Variants in FAM32A observed in about 807,000 individuals in gnomAD.
FAM32A encodes family with sequence similarity 32 member A, also known as protein FAM32A.
FAM32A carries 9 observed loss-of-function variants against 15.8 expected under a neutral mutation model. The observed-to-expected ratio is 0.57, with a 90% confidence interval of 0.34 to 1.00. FAM32A has a LOEUF of 1.00. Ranked by LOEUF, FAM32A falls within the 50% of genes least tolerant of loss-of-function variation. The probability of loss-of-function intolerance (pLI) is 0.02; values close to 1 mark genes in which losing one functional copy is unlikely to be tolerated. For missense variants in FAM32A, 113 were observed against 138.3 expected (o/e 0.82, Z 0.92); for synonymous variants, 64 against 54.9 (o/e 1.16, Z -0.73).
chr19:16,186,317 T>C (rs1365026985), intron 2 of FAM32A: 1 of 152,562 alleles, frequency 6.6e-6, no homozygotes, highest in Non-Finnish European at 1.5e-5. Flanking sequence ...TTTAAAAAAT[T>C]AGTTATTTTT....
intron 2 of FAM32A, among the ~76,000 whole-genome samples, chr19:16,189,668 C>CTTTTTTTTTTTTTTTTTTTTTTTTTT (rs71178652): frequency 1.2e-4 from 7 of 58,584 alleles, no homozygotes; most frequent in South Asian, 9.4e-4. Flanking sequence ...CACTCCAACT[C>CTTTTTTTTTTTTTTTTTTTTTTTTTT]TTTTTTTTTT....
At chr19:16,187,274 C>T (rs575189214) in intron 2 of FAM32A, 14 of 152,150 alleles carry the variant, frequency 9.2e-5, no homozygotes, top group African/African-American at 2.9e-4. Context: ...GCCTGGCCAA[C>T]ATGGTGAAAC....
rs1181658662 is a variant in FAM32A, at chr19:16,185,429, C to T, written c.-14C>T. The T allele has an allele frequency of 1.9e-6, 3 of 1,551,634 alleles. No homozygotes were observed. The highest frequency in any genetic ancestry group is 4.9e-5 in the East Asian group (2 of 41,214). On this transcript the variant is annotated 5_prime_UTR_variant, in exon 1 of 4. Coordinates refer to ENST00000263384, the MANE Select transcript of FAM32A (RefSeq NM_014077.4). ...AAGTGTGGCACTCCAGCTACCGAAGCACTGGAGAGTGTCATGGAGGCCTAC... is the reference window on the plus strand; with the variant it reads ...AAGTGTGGCACTCCAGCTACCGAAGTACTGGAGAGTGTCATGGAGGCCTAC...
chr19:16,185,854 C>A, intron 2 of FAM32A, 89 bp downstream of exon 2: 1 of 1,426,422 alleles, frequency 7.0e-7, no homozygotes, highest in Non-Finnish European at 9.4e-7. Context: ...GCTCCGAGGG[C>A]AGGGGAGCGG....
intron 2 of FAM32A, 25 bp from the exon 3 acceptor site, chr19:16,190,495 A>T: frequency 6.3e-7 from 1 of 1,578,892 alleles, no homozygotes; most frequent in Non-Finnish European, 8.7e-7. Context: ...CTGTAAACTC[A>T]CCTCCATGTC....
chr19:16,185,424 C>G lies in FAM32A; in HGVS notation c.-19C>G, dbSNP rs1239279970. Reference sequence around the variant, plus strand: ...ACAGGAAGTGTGGCACTCCAGCTACCGAAGCACTGGAGAGTGTCATGGAGG... The same window carrying G: ...ACAGGAAGTGTGGCACTCCAGCTACGGAAGCACTGGAGAGTGTCATGGAGG... On this transcript the variant is annotated 5_prime_UTR_variant, in exon 1 of 4. Coordinates refer to ENST00000263384, the MANE Select transcript of FAM32A (RefSeq NM_014077.4). 2 of 1,549,642 alleles carry G rather than the reference C, an allele frequency of 1.3e-6. No individual in the cohort carries two copies. The highest frequency in any genetic ancestry group is 8.7e-7 in the Non-Finnish European group (1 of 1,144,516).
rs1427877677 is a variant in FAM32A, at chr19:16,185,893, G to A, written c.216+128G>A. 1.9e-5 allele frequency: 21 copies of A among 1,077,370 alleles called. No individual in the cohort carries two copies. The East Asian group carries it at 5.2e-4, about 27-fold the overall frequency. 66.7% of individuals were successfully genotyped at this position (1,077,370 alleles called of 1,614,324 possible). On this transcript the variant is annotated intron_variant, in intron 2 of 3. Transcript: ENST00000263384. ...GAGGAGACCTTAATTACGGGGAGAG[G>A]ATGCTGTACGTGAGTGAGAGAAGAG...
Position 16,191,033 on chromosome 19 carries a change from A to G in FAM32A, c.*78A>G. On this transcript the variant is annotated 3_prime_UTR_variant, in exon 4 of 4. Coordinates refer to ENST00000263384, the MANE Select transcript of FAM32A (RefSeq NM_014077.4). ...GGGTTGTGTGTGTTTCCTTTGGTAT[A>G]TTCTGGAAACATGGCTACACACACC... The G allele has an allele frequency of 8.7e-7, 1 of 1,143,956 alleles. No individual in the cohort carries two copies. The highest frequency in any genetic ancestry group is 1.3e-6 in the Non-Finnish European group (1 of 755,666). 70.9% of individuals were successfully genotyped at this position (1,143,956 alleles called of 1,614,324 possible).
intron 2 of FAM32A, among the ~76,000 whole-genome samples, chr19:16,189,069 C>G (rs2091396236): frequency 7.3e-6 from 1 of 137,266 alleles, no homozygotes; most frequent in African/African-American, 2.8e-5. Flanking sequence ...GTTGCCCAGG[C>G]TGGAGTGCAA....
chr19:16,190,459 C>A, intron 2 of FAM32A, 61 bp from the exon 3 acceptor site: 1 of 1,241,048 alleles, frequency 8.1e-7, no homozygotes, highest in Non-Finnish European at 1.2e-6. Flanking sequence ...ATCTTCCACC[C>A]CATGCCAGCC....
intron 2 of FAM32A, among the ~76,000 whole-genome samples, chr19:16,188,341 TG>T (rs1442874270): frequency 1.3e-5 from 2 of 152,176 alleles, no homozygotes; most frequent in Non-Finnish European, 2.9e-5. Flanking sequence ...ATGAAGGTGC[TG>T]TTTACTGGGG....
In FAM32A at chr19:16,185,448, G is replaced by A; in HGVS notation, c.6G>A (p.Glu2=). The stretch of plus-strand genomic sequence containing the variant: ...CCGAAGCACTGGAGAGTGTCATGGA[G>A]GCCTACGAGCAGGTCCAAAAGGGAC... M[E]AYEQVQKGPL... Residue 2 remains glutamate (E), a synonymous_variant, in exon 1 of 4, where the codon GAG becomes GAA. Transcript: ENST00000263384. The A allele has an allele frequency of 3.2e-6, 5 of 1,557,528 alleles. No homozygotes were observed. Among genetic ancestry groups the A allele is most frequent in the Non-Finnish European group, 4.3e-6 (5 of 1,150,204 alleles).
Position 16,185,476 on chromosome 19 carries a change from CT to C in FAM32A, c.35del (p.Leu12ArgfsTer3). ...EAYEQVQKGPLKLKGVAELGV... is the reference protein window; with the variant it reads ...EAYEQVQKGPXKLKGVAELGV... Reference sequence around the variant, plus strand: ...CTACGAGCAGGTCCAAAAGGGACCCCTGAAGCTGAAAGGCGTCGCAGAGCTG... The same window carrying C: ...CTACGAGCAGGTCCAAAAGGGACCCCGAAGCTGAAAGGCGTCGCAGAGCTG... On this transcript the variant is annotated frameshift_variant, in exon 1 of 4. Transcript: ENST00000263384. LOFTEE classifies it high-confidence loss of function. 6.4e-7 allele frequency: 1 copy of C among 1,563,478 alleles called. No individual in the cohort carries two copies. The highest frequency in any genetic ancestry group is 8.7e-7 in the Non-Finnish European group (1 of 1,153,482).
At chr19:16,187,853 C>T (rs1184319988) in intron 2 of FAM32A, among the ~76,000 whole-genome samples, 3 of 152,014 alleles carry the variant, frequency 2.0e-5, no homozygotes, top group Non-Finnish European at 4.4e-5. Flanking sequence ...TCAAGCGATT[C>T]TCCTGCCTTA....
chr19:16,186,110 C>T (rs571713185), intron 2 of FAM32A, among the ~76,000 whole-genome samples: 4 of 152,138 alleles, frequency 2.6e-5, no homozygotes, highest in African/African-American at 4.8e-5. Context: ...CAAGTTTCCT[C>T]TTCTGTACGA....
intron 2 of FAM32A, chr19:16,186,126 G>C (rs1260830921): frequency 2.3e-5 from 6 of 266,336 alleles, no homozygotes; most frequent in Non-Finnish European, 3.6e-5. Flanking sequence ...TACGAGTCAG[G>C]GTAGTAACTT....
intron 3 of FAM32A, 50 bp from the exon 4 acceptor site, chr19:16,190,837 T>G: frequency 6.7e-7 from 1 of 1,485,540 alleles, no homozygotes; most frequent in Non-Finnish European, 9.4e-7. Flanking sequence ...TTCTCCCCAG[T>G]ACCCCACTTG....
chr19:16,191,196 A>C lies in FAM32A; in HGVS notation c.*241A>C. The C allele has an allele frequency of 8.0e-6, 4 of 501,764 alleles. No individual in the cohort carries two copies. Among genetic ancestry groups the C allele is most frequent in the Non-Finnish European group, 1.5e-5 (4 of 273,888 alleles). The allele number at this position is 501,764 out of a possible 1,614,324, so 31.1% of individuals were successfully genotyped here. Reference sequence around the variant, plus strand: ...GATACACCCTTTTCGTTTGGATGGAAAGTTTCTAAGTTTATCCAGAGGTAA... The same window carrying C: ...GATACACCCTTTTCGTTTGGATGGACAGTTTCTAAGTTTATCCAGAGGTAA... On this transcript the variant is annotated 3_prime_UTR_variant, in exon 4 of 4. Coordinates refer to ENST00000263384, the MANE Select transcript of FAM32A (RefSeq NM_014077.4).
At chr19:16,190,677 G>A in intron 3 of FAM32A, 104 bp downstream of exon 3, 1 of 991,592 alleles carries the variant, frequency 1.0e-6, no homozygotes, top group Non-Finnish European at 1.6e-6. Flanking sequence ...TGACGAGAAG[G>A]GAAGTTTACC....
Sources: gnomAD v4.1 joint callset for allele counts (sites outside exome capture counted in the v4.1 genomes callset) on GRCh38, gnomAD v4.1.1 for gene constraint, MANE v1.5 for transcripts, NCBI Gene and HGNC (gene_info 2026-07-23, HGNC 2026-07-21) for gene names.